The following CBY1 variants were observed in gnomAD, a reference collection of about 807,000 sequenced individuals.
The protein encoded by CBY1 is protein chibby homolog 1.
A neutral mutation model predicts 15.6 loss-of-function variants in CBY1; 10 were observed. The ratio of observed to expected loss-of-function variants is 0.64; its 90% CI spans 0.40 to 1.09. CBY1 has a LOEUF of 1.09. Among genes scored for constraint, CBY1 ranks in the 50% least tolerant of loss-of-function variants. The pLI is 0.01. For synonymous variants in CBY1, 61 were observed against 63.5 expected (o/e 0.96, Z 0.19); for missense variants, 150 against 160.5 (o/e 0.93, Z 0.35).
chr22:38,665,600 T>A (rs1257543147), intron 1 of CBY1: 6 of 475,978 alleles, frequency 1.3e-5, no homozygotes, highest in Non-Finnish European at 2.0e-5. Context: ...GCTGCATGGA[T>A]AAATGTCAGA....
intron 2 of CBY1, 81 bp downstream of exon 2, chr22:38,668,213 TC>T: frequency 1.2e-6 from 1 of 844,916 alleles, no homozygotes; most frequent in Non-Finnish European, 2.1e-6. Context: ...AGTGTGGTCC[TC>T]CAGAGGCATC....
intron 2 of CBY1, chr22:38,670,528 A>T (rs2092449571): frequency 5.2e-6 from 1 of 194,006 alleles, no homozygotes; most frequent in Admixed American, 5.3e-5. Flanking sequence ...CATATTAAGC[A>T]AATGATAACT....
chr22:38,660,594 T>A (rs2092419392), intron 1 of CBY1, among the ~76,000 whole-genome samples: 1 of 150,940 alleles, frequency 6.6e-6, no homozygotes, highest in African/African-American at 2.4e-5. Context: ...TATATACACG[T>A]ATACCATATA....
At chr22:38,657,204 T>TACTAATCAC in intron 1 of CBY1, 2 of 641,152 alleles carry the variant, frequency 3.1e-6, no homozygotes, top group Non-Finnish European at 3.9e-6. Flanking sequence ...TGATTAGTGA[T>TACTAATCAC]TAGTATCAGT....
intron 1 of CBY1, among the ~76,000 whole-genome samples, chr22:38,661,050 C>T (rs1364729263): frequency 6.6e-6 from 1 of 152,134 alleles, no homozygotes; most frequent in Non-Finnish European, 1.5e-5. Flanking sequence ...GTCCCCACCC[C>T]GTCCCCTCCA....
At chr22:38,665,498 A>G (rs2092433449) in intron 1 of CBY1, 2 of 391,670 alleles carry the variant, frequency 5.1e-6, no homozygotes, top group African/African-American at 2.1e-5. Flanking sequence ...AACAGCTCAA[A>G]TGTCCATCTT....
At chr22:38,659,633 C>G (rs550691493) in intron 1 of CBY1, among the ~76,000 whole-genome samples, 8 of 152,070 alleles carry the variant, frequency 5.3e-5, no homozygotes, top group African/African-American at 1.9e-4. Context: ...GAGGCCAAGG[C>G]GGGCAGATCA....
chr22:38,657,507 A>G (rs1299709666), intron 1 of CBY1, among the ~76,000 whole-genome samples: 1 of 152,270 alleles, frequency 6.6e-6, no homozygotes, highest in Non-Finnish European at 1.5e-5. Context: ...GCCATGGGCC[A>G]GTGGGACAGC....
rs758626603 is a variant in CBY1 at position 38,667,714 on chromosome 22, G to A, written c.-38-303G>A. 23 of 283,938 alleles carry A rather than the reference G, an allele frequency of 8.1e-5. 1 individual carries two copies. The highest frequency in any genetic ancestry group is 1.3e-4 in the Non-Finnish European group (19 of 150,528). The allele number at this position is 283,938 out of a possible 1,614,324, so 17.6% of individuals were successfully genotyped here. On this transcript the variant is annotated intron_variant, in intron 1 of 4. Coordinates refer to ENST00000216029, the MANE Select transcript of CBY1 (RefSeq NM_015373.4). ...AGGCTCACATGGTGAGCAAGTGCAT[G>A]AGACAGACAGCATGGCAGCAGAACT...
intron 1 of CBY1, among the ~76,000 whole-genome samples, chr22:38,662,789 AC>A (rs1216663709): frequency 1.3e-5 from 2 of 151,702 alleles, no homozygotes; most frequent in African/African-American, 2.4e-5. Context: ...GAGGCACCAT[AC>A]CCAGCCTGGG....
intron 2 of CBY1, among the ~76,000 whole-genome samples, chr22:38,669,095 C>T (rs1217982466): frequency 6.6e-6 from 1 of 152,192 alleles, no homozygotes; most frequent in Non-Finnish European, 1.5e-5. Context: ...AGTCGGTCCT[C>T]CCCTACATTG....
chr22:38,658,628 C>T (rs912507260), intron 1 of CBY1, among the ~76,000 whole-genome samples: 1 of 151,846 alleles, frequency 6.6e-6, no homozygotes, highest in Non-Finnish European at 1.5e-5. Context: ...AGGCTCCTGC[C>T]ACCATGCCAG....
At chr22:38,665,154 A>G (rs1031003658) in intron 1 of CBY1, among the ~76,000 whole-genome samples, 9 of 152,034 alleles carry the variant, frequency 5.9e-5, no homozygotes, top group Non-Finnish European at 8.8e-5. Context: ...TAGCAGCACT[A>G]TTTTTGGTGG....
At chr22:38,664,801 A>C (rs2092431526) in intron 1 of CBY1, among the ~76,000 whole-genome samples, 1 of 152,168 alleles carries the variant, frequency 6.6e-6, no homozygotes, top group Non-Finnish European at 1.5e-5. Flanking sequence ...AAAAGTGTAC[A>C]TATGCATGTA....
chr22:38,662,185 T>C (rs1361563272), intron 1 of CBY1, among the ~76,000 whole-genome samples: 1 of 151,766 alleles, frequency 6.6e-6, no homozygotes, highest in African/African-American at 2.4e-5. Flanking sequence ...GCCTGTGATC[T>C]CAGCTACTTG....
intron 1 of CBY1, among the ~76,000 whole-genome samples, chr22:38,662,310 AAAT>A (rs1199605474): frequency 6.6e-6 from 1 of 151,346 alleles, no homozygotes; most frequent in African/African-American, 2.4e-5. Context: ...TCAAAAAAAA[AAAT>A]AAATAAATAA....
At chr22:38,662,596 T>G (rs1223263876) in intron 1 of CBY1, among the ~76,000 whole-genome samples, 1 of 151,938 alleles carries the variant, frequency 6.6e-6, no homozygotes, top group Non-Finnish European at 1.5e-5. Context: ...GCGCAAGCAA[T>G]CCTCCCACCT....
chr22:38,663,120 A>AAAAT (rs760488211), intron 1 of CBY1, among the ~76,000 whole-genome samples: 62 of 152,164 alleles, frequency 4.1e-4, no homozygotes, highest in Non-Finnish European at 5.3e-4. Context: ...ACTTGATCTC[A>AAAAT]AAATAAATAA....
intron 1 of CBY1, among the ~76,000 whole-genome samples, chr22:38,662,728 T>C (rs1036099543): frequency 6.6e-6 from 1 of 152,148 alleles, no homozygotes; most frequent in Non-Finnish European, 1.5e-5. Flanking sequence ...ACTCCTGGAC[T>C]CAAGTTATTT....
Sources: gnomAD v4.1 joint callset for allele counts (sites outside exome capture counted in the v4.1 genomes callset) on GRCh38, gnomAD v4.1.1 for gene constraint, MANE v1.5 for transcripts, NCBI Gene and HGNC (gene_info 2026-07-23, HGNC 2026-07-21) for gene names.